The following RAD51B variants were observed in gnomAD, a reference collection of about 807,000 sequenced individuals.
RAD51B encodes the protein RAD51 paralog B.
In RAD51B, 38 loss-of-function variants were observed where a neutral mutation model predicts 42.2. That is an observed-to-expected ratio of 0.90 (90% CI 0.70 to 1.18). The LOEUF is 1.18. RAD51B is among the 50% of genes most tolerant of loss of function. RAD51B has a pLI of 0.00. For missense variants in RAD51B, 373 were observed against 400.7 expected (o/e 0.93, Z 0.59); for synonymous variants, 154 against 145.2 (o/e 1.06, Z -0.43).
intron 7 of RAD51B, among the ~76,000 whole-genome samples, chr14:68,131,502 C>A (rs2077890378): frequency 6.6e-6 from 1 of 152,100 alleles, no homozygotes; most frequent in Non-Finnish European, 1.5e-5. Context: ...TCGAGACCAG[C>A]CTGACCAACA....
chr14:67,843,984 T>C (rs941768363), intron 4 of RAD51B, among the ~76,000 whole-genome samples: 1 of 152,146 alleles, frequency 6.6e-6, no homozygotes, highest in Non-Finnish European at 1.5e-5. Flanking sequence ...ATATGGGCTT[T>C]TAACAGTATA....
intron 10 of RAD51B, among the ~76,000 whole-genome samples, chr14:68,484,836 C>T (rs745529757): frequency 6.6e-6 from 1 of 152,198 alleles, no homozygotes; most frequent in Non-Finnish European, 1.5e-5. Context: ...GCTACTCTCA[C>T]TCTCCCAGCA....
At chr14:67,886,713 A>G (rs2140053897) in intron 6 of RAD51B, 2 of 264,024 alleles carry the variant, frequency 7.6e-6, no homozygotes, top group Middle Eastern at 2.3e-3. Flanking sequence ...GATGCAAAAT[A>G]CCAAGAGGAG....
At chr14:68,545,591 G>T in intron 10 of RAD51B, 1 of 456,084 alleles carries the variant, frequency 2.2e-6, no homozygotes, top group Non-Finnish European at 4.4e-6. Flanking sequence ...CCCAAAGGAA[G>T]GGGCCATTGT....
chr14:67,827,644 G>A (rs775463522), intron 3 of RAD51B, among the ~76,000 whole-genome samples: 1 of 151,998 alleles, frequency 6.6e-6, no homozygotes, highest in African/African-American at 2.4e-5. Flanking sequence ...CCACAACCTC[G>A]CAACAGGCCC....
chr14:68,223,407 C>A (rs536375042), intron 7 of RAD51B, among the ~76,000 whole-genome samples: 28 of 152,372 alleles, frequency 1.8e-4, no homozygotes, highest in Middle Eastern at 3.4e-3. Context: ...CTCACAAACA[C>A]GTGTGTGCCT....
intron 7 of RAD51B, among the ~76,000 whole-genome samples, chr14:67,915,225 T>TAAAACA (rs1282747732): frequency 6.6e-6 from 1 of 152,160 alleles, no homozygotes; most frequent in Non-Finnish European, 1.5e-5. Context: ...CCCCCAAATC[T>TAAAACA]AAAACAAAAG....
intron 10 of RAD51B, among the ~76,000 whole-genome samples, chr14:68,549,756 AAG>A (rs1311547032): frequency 6.6e-6 from 1 of 152,120 alleles, no homozygotes; most frequent in Non-Finnish European, 1.5e-5. Context: ...TGAAGGGAAA[AAG>A]AAGTCTGATA....
intron 3 of RAD51B, among the ~76,000 whole-genome samples, chr14:67,829,007 A>G (rs1674572953): frequency 6.6e-6 from 1 of 152,164 alleles, no homozygotes. Context: ...ATAGCTTTTT[A>G]AAATTCTGTG....
intron 3 of RAD51B, among the ~76,000 whole-genome samples, chr14:67,828,195 G>C (rs998606078): frequency 2.0e-5 from 3 of 152,076 alleles, no homozygotes; most frequent in African/African-American, 7.2e-5. Context: ...ATTGGTGTGA[G>C]ATGGTATCTC....
intron 8 of RAD51B, among the ~76,000 whole-genome samples, chr14:68,357,017 G>A (rs902591115): frequency 6.7e-6 from 1 of 149,258 alleles, no homozygotes; most frequent in Non-Finnish European, 1.5e-5. Flanking sequence ...CAATAATGAA[G>A]TTTGCCTTAT....
At chr14:67,855,253 CAG>C (rs1467305832) in intron 4 of RAD51B, among the ~76,000 whole-genome samples, 1 of 150,760 alleles carries the variant, frequency 6.6e-6, no homozygotes, top group Non-Finnish European at 1.5e-5. Flanking sequence ...TTTTTTGAGA[CAG>C]AGTCTTGCTC....
chr14:68,621,017 G>C (rs1443266416), intron 10 of RAD51B, among the ~76,000 whole-genome samples: 1 of 152,190 alleles, frequency 6.6e-6, no homozygotes, highest in African/African-American at 2.4e-5. Context: ...AGACTGGAGG[G>C]GACGGGGCAA....
chr14:68,385,844 T>G (rs1321927565), intron 8 of RAD51B, among the ~76,000 whole-genome samples: 1 of 152,226 alleles, frequency 6.6e-6, no homozygotes, highest in Non-Finnish European at 1.5e-5. Context: ...CTCTAGGCAT[T>G]TAACATATGC....
At chr14:68,571,690 G>A (rs921390392) in intron 10 of RAD51B, among the ~76,000 whole-genome samples, 15 of 152,214 alleles carry the variant, frequency 9.9e-5, no homozygotes, top group Non-Finnish European at 1.9e-4. Flanking sequence ...ATAGGCTTCA[G>A]GAAATAGGCC....
At chr14:68,437,983 T>C (rs1367944612) in intron 9 of RAD51B, among the ~76,000 whole-genome samples, 1 of 152,128 alleles carries the variant, frequency 6.6e-6, no homozygotes, top group Non-Finnish European at 1.5e-5. Context: ...GGTCCTTCTT[T>C]AGTGCTACAG....
chr14:68,260,319 G>GTGTGTGTGTGTGTGTGTGTGT lies in RAD51B; in HGVS notation c.757-31565_757-31564insTGTGTGTGTGTGTGTGTGTGT, dbSNP rs1555383057. Among the ~76,000 whole-genome samples, 75 of 136,164 alleles carry GTGTGTGTGTGTGTGTGTGTGT rather than the reference G, an allele frequency of 5.5e-4. 1 individual carries two copies. Among genetic ancestry groups the GTGTGTGTGTGTGTGTGTGTGT allele is most frequent in the Non-Finnish European group, 7.7e-4 (51 of 66,576 alleles). 89.3% of individuals were successfully genotyped at this position (136,164 alleles called of 152,430 possible). A position where few individuals can be genotyped will look rare whatever the true frequency, so the allele number is the denominator to read the frequency against. ...AGACCGTGTGTGTGTGTGTGTGTGT[G>GTGTGTGTGTGTGTGTGTGTGT]GAGAGGGGAAGACAGCGGGGGTAGA... is the stretch of plus-strand genomic sequence containing the variant. On this transcript the variant is annotated intron_variant, in intron 7 of 10. Coordinates refer to ENST00000471583, the MANE Select transcript of RAD51B (RefSeq NM_133510.4).
chr14:67,895,685 T>A (rs1595074958), intron 7 of RAD51B, among the ~76,000 whole-genome samples: 1 of 152,322 alleles, frequency 6.6e-6, no homozygotes, highest in East Asian at 1.9e-4. Flanking sequence ...CTCTAATTAA[T>A]ATTTATTGAA....
At chr14:68,138,639 CTT>C (rs753848353) in intron 7 of RAD51B, among the ~76,000 whole-genome samples, 5 of 152,080 alleles carry the variant, frequency 3.3e-5, no homozygotes, top group Non-Finnish European at 7.4e-5. Flanking sequence ...TCAGGGATAA[CTT>C]TGTTAATTCT....
Sources: gnomAD v4.1 joint callset for allele counts (sites outside exome capture counted in the v4.1 genomes callset) on GRCh38, gnomAD v4.1.1 for gene constraint, MANE v1.5 for transcripts, NCBI Gene and HGNC (gene_info 2026-07-23, HGNC 2026-07-21) for gene names.